The following TLR8 variants were observed in gnomAD, a reference collection of about 807,000 sequenced individuals.
TLR8 encodes toll-like receptor 8.
In TLR8, 5 loss-of-function variants were observed where a neutral mutation model predicts 18.5. The observed-to-expected ratio is 0.27, with a 90% CI of 0.14 to 0.57. The LOEUF is 0.57. Among genes scored for constraint, TLR8 ranks in the 20% least tolerant of loss-of-function variants. The pLI is 0.92. For synonymous variants in TLR8, 299 were observed against 300.1 expected, an observed-to-expected ratio of 1.00 and a Z score of 0.04; for missense variants, 543 against 769.8, an observed-to-expected ratio of 0.71 and a Z score of 3.49.
chrX:12,913,409 A>G (rs1396285938), intron 1 of TLR8, among the ~76,000 whole-genome samples: 1 of 112,495 alleles, frequency 8.9e-6, no homozygotes, highest in Non-Finnish European at 1.9e-5. Flanking sequence ...ATCTTTCAAA[A>G]TGGGCAAGTA....
chrX:12,922,080 T>C lies in TLR8; in HGVS notation c.3040T>C (p.Phe1014Leu). The C allele has an allele frequency of 8.3e-7, 1 of 1,211,618 alleles. No homozygotes were observed. The highest frequency in any genetic ancestry group is 1.1e-6 in the Non-Finnish European group (1 of 895,474). Residue 1014 changes from phenylalanine (F) to leucine (L), a missense_variant, in exon 2 of 2, where the codon TTT becomes CTT. Coordinates refer to ENST00000218032, the MANE Select transcript of TLR8 (RefSeq NM_138636.5). ...WPDNPKAEGL[F>L]WQTLRNVVLT... ...TGACAACCCGAAGGCAGAAGGCTTG[T>C]TTTGGCAAACTCTGAGAAATGTGGT...
chrX:12,919,150 A>T lies in TLR8; in HGVS notation c.110A>T (p.Asp37Val). The T allele has an allele frequency of 4.1e-6, 5 of 1,211,933 alleles. No homozygotes were observed. The highest frequency in any genetic ancestry group is 5.6e-6 in the Non-Finnish European group (5 of 895,576). Reference protein sequence around the residue: ...EENFSRSYPCDEKKQNDSVIA... With the variant: ...EENFSRSYPCVEKKQNDSVIA... ...AATTTTTCTAGAAGCTATCCTTGTG[A>T]TGAGAAAAAGCAAAATGACTCAGTT... Residue 37 changes from aspartate to valine, a missense_variant, in exon 2 of 2, where the codon GAT (aspartate) becomes GTT (valine). Coordinates refer to ENST00000218032, the MANE Select transcript of TLR8 (RefSeq NM_138636.5).
At chrX:12,907,076 G>A (rs1004310853) in intron 1 of TLR8, among the ~76,000 whole-genome samples, 1 of 112,210 alleles carries the variant, frequency 8.9e-6, no homozygotes, top group Non-Finnish European at 1.9e-5. Context: ...GAGAAGGTGA[G>A]GGAAATATTC....
chrX:12,913,070 T>C (rs1434939428), intron 1 of TLR8, among the ~76,000 whole-genome samples: 1 of 112,467 alleles, frequency 8.9e-6, no homozygotes, highest in Non-Finnish European at 1.9e-5. Flanking sequence ...GAATCTGGCC[T>C]TGCCCTGACA....
At chrX:12,911,726 A>G (rs1442111177) in intron 1 of TLR8, among the ~76,000 whole-genome samples, 1 of 112,418 alleles carries the variant, frequency 8.9e-6, no homozygotes, top group Non-Finnish European at 1.9e-5. Flanking sequence ...TCTAATACTT[A>G]TCTTATTTCT....
At chrX:12,910,548 C>G in intron 1 of TLR8, 1 of 916,025 alleles carries the variant, frequency 1.1e-6, no homozygotes, top group Non-Finnish European at 1.5e-6. Context: ...GCGTCCCTAC[C>G]TTTGTGCCCA....
In TLR8 at chrX:12,922,226, T is replaced by C; in HGVS notation, c.*60T>C. ...GATGCAAAGGAATGACATTTCTGTA[T>C]TAGTTATCTATTGCTATGTAACAAA... On this transcript the variant is annotated 3_prime_UTR_variant, in exon 2 of 2. Transcript: ENST00000218032. 8.9e-7 allele frequency: 1 copy of C among 1,126,225 alleles called. No homozygotes were observed. Among genetic ancestry groups the C allele is most frequent in the Non-Finnish European group, 1.2e-6 (1 of 848,973 alleles). The allele number at this position is 1,126,225 out of a possible 1,213,427, so 92.8% of individuals were successfully genotyped here. A position where few individuals can be genotyped will look rare whatever the true frequency, so the allele number is the denominator to read the frequency against.
At chrX:12,915,454 CT>C (rs113857470) in intron 1 of TLR8, among the ~76,000 whole-genome samples, 159 of 113,142 alleles carry the variant, frequency 1.4e-3, no homozygotes, top group African/African-American at 4.6e-3. Context: ...GCGTGAGCCA[CT>C]GTGCCTGGTC....
rs2043082858 is a variant in TLR8, at chrX:12,920,011, T to A, written c.971T>A (p.Val324Glu). The change falls in exon 2 of 2, where the codon GTG (valine) becomes GAG (glutamate). Residue 324 changes from valine to glutamate, a missense_variant. This residue lies in a region of TLR8 where 185 missense variants were observed against 298.9 expected (regional missense o/e 0.62). Transcript: ENST00000218032. ...CTGGATCTTGAATTCAACTATTTAG[T>A]GGGAGAAATAGCCTCTGGGGCATTT... The part of the protein sequence containing the change: ...KVLDLEFNYL[V>E]GEIASGAFLT... 3.3e-6 allele frequency: 4 copies of A among 1,211,873 alleles called. No individual in the cohort carries two copies. Among genetic ancestry groups the A allele is most frequent in the Non-Finnish European group, 4.5e-6 (4 of 895,519 alleles).
At chrX:12,917,399 C>T (rs1445728293) in intron 1 of TLR8, among the ~76,000 whole-genome samples, 2 of 112,265 alleles carry the variant, frequency 1.8e-5, no homozygotes, top group Non-Finnish European at 1.9e-5. Flanking sequence ...AATCAATGTC[C>T]ACATAAAAAT....
intron 1 of TLR8, among the ~76,000 whole-genome samples, chrX:12,913,464 G>A (rs892043350): frequency 8.9e-6 from 1 of 112,609 alleles, no homozygotes; most frequent in South Asian, 3.6e-4. Context: ...CTCAAATACA[G>A]TTCCTGAAAT....
chrX:12,909,463 C>T (rs1452207745), intron 1 of TLR8, among the ~76,000 whole-genome samples: 1 of 111,747 alleles, frequency 8.9e-6, no homozygotes, highest in African/African-American at 3.3e-5. Context: ...TTAGCAGATA[C>T]AGGCTGTGTT....
In TLR8 at chrX:12,922,760, T is replaced by C. The variant is rs1436969572; in HGVS notation, c.*594T>C. Reference sequence around the variant, plus strand: ...TGACTGCTGTCCTGGGATGGCCTGCTATCTTGATGATAGATTGTGAATATC... The same window carrying C: ...TGACTGCTGTCCTGGGATGGCCTGCCATCTTGATGATAGATTGTGAATATC... On this transcript the variant is annotated 3_prime_UTR_variant, in exon 2 of 2. Transcript: ENST00000218032. 1 of 112,089 alleles carries C rather than the reference T, an allele frequency of 8.9e-6. No individual in the cohort carries two copies. Among genetic ancestry groups the C allele is most frequent in the Non-Finnish European group, 1.9e-5 (1 of 53,318 alleles). The allele number at this position is 112,089 out of a possible 1,213,427, so 9.2% of individuals were successfully genotyped here.
Position 12,922,413 on chromosome X carries a change from A to T in TLR8, c.*247A>T, listed in dbSNP as rs1196473789. ...CATAGGCATCACTGGGGTCACACTC[A>T]TGTGGTTGTTTTCTGGATTCAATTC... On this transcript the variant is annotated 3_prime_UTR_variant, in exon 2 of 2. Transcript: ENST00000218032. 2.9e-5 allele frequency: 10 copies of T among 350,129 alleles called. No individual in the cohort carries two copies. Among genetic ancestry groups the T allele is most frequent in the Non-Finnish European group, 4.4e-5 (9 of 204,550 alleles). The allele number at this position is 350,129 out of a possible 1,213,427, so 28.9% of individuals were successfully genotyped here.
chrX:12,910,233 T>G, intron 1 of TLR8: 1 of 1,008,227 alleles, frequency 9.9e-7, no homozygotes, highest in Non-Finnish European at 1.3e-6. Flanking sequence ...TCAGCTCTGG[T>G]TGAATCCAAA....
At chrX:12,909,192 C>G (rs1392464034) in intron 1 of TLR8, among the ~76,000 whole-genome samples, 2 of 112,283 alleles carry the variant, frequency 1.8e-5, no homozygotes, top group Non-Finnish European at 3.8e-5. Context: ...GACCATAGGA[C>G]AAGCCTGTCC....
rs866810990 is a variant in TLR8 at position 12,920,093 on chromosome X, G to T, written c.1053G>T (p.Gly351=). 1 of 1,209,557 alleles carries T rather than the reference G, an allele frequency of 8.3e-7. No homozygotes were observed. Among genetic ancestry groups the T allele is most frequent in the Non-Finnish European group, 1.1e-6 (1 of 894,563 alleles). The stretch of plus-strand genomic sequence containing the variant: ...ACTTGTCTTTTAACTATATAAAGGG[G>T]AGTTATCCACAGCATATTAATATTT... ...ILDLSFNYIK[G]SYPQHINISR... The change falls in exon 2 of 2, where the codon GGG becomes GGT. Residue 351 remains glycine (G), a synonymous_variant. Coordinates refer to ENST00000218032, the MANE Select transcript of TLR8 (RefSeq NM_138636.5).
In TLR8 at chrX:12,921,166, A is replaced by G. The variant is rs918567472; in HGVS notation, c.2126A>G (p.Asp709Gly). Residue 709 changes from aspartate (D) to glycine (G), a missense_variant, in exon 2 of 2, where the codon GAC becomes GGC. Around this residue, in one of 4 missense-constraint regions of TLR8, gnomAD observed 227 missense variants for 312.9 expected, o/e 0.73. Transcript: ENST00000218032. ...KLLFLTDSLS[D>G]FTSSLRTLLL... ...CTCTTTTTAACTGATAGCCTATCTGACTTTACATCTTCCCTTCGGACACTG... is the reference window on the plus strand; with the variant it reads ...CTCTTTTTAACTGATAGCCTATCTGGCTTTACATCTTCCCTTCGGACACTG... 21 of 1,210,299 alleles carry G rather than the reference A, an allele frequency of 1.7e-5. No individual in the cohort carries two copies. Among genetic ancestry groups the G allele is most frequent in the Non-Finnish European group, 2.2e-5 (20 of 895,314 alleles).
rs2043093840 is a variant in TLR8, at chrX:12,921,381, G to C, written c.2341G>C (p.Gly781Arg). 1 of 1,211,811 alleles carries C rather than the reference G, an allele frequency of 8.3e-7. No homozygotes were observed. The highest frequency in any genetic ancestry group is 1.1e-6 in the Non-Finnish European group (1 of 895,394). ...CCCCTTTGAATGCACCTGTGACATT[G>C]GAGATTTCCGAAGATGGATGGATGA... ...GNPFECTCDI[G>R]DFRRWMDEHL... Residue 781 changes from glycine to arginine, a missense_variant, in exon 2 of 2, where the codon GGA becomes CGA. Gly to Arg is a moderately radical substitution (Grantham distance 125). Around this residue, in one of 4 missense-constraint regions of TLR8, gnomAD observed 227 missense variants for 312.9 expected, o/e 0.73. Transcript: ENST00000218032.
Sources: gnomAD v4.1 joint callset for allele counts (sites outside exome capture counted in the v4.1 genomes callset) on GRCh38, gnomAD v4.1.1 for gene constraint, gnomAD v4.1.1 regional missense constraint, MANE v1.5 for transcripts, NCBI Gene and HGNC (gene_info 2026-07-23, HGNC 2026-07-21) for gene names.